The following PPP4R3B variants were observed in gnomAD, a reference collection of about 807,000 sequenced individuals.
PPP4R3B encodes the protein serine/threonine-protein phosphatase 4 regulatory subunit 3B.
In PPP4R3B, 52 loss-of-function variants were observed where a neutral mutation model predicts 95.4. That is an observed-to-expected ratio of 0.54 (90% confidence interval 0.44 to 0.69). The LOEUF (loss-of-function observed/expected upper bound fraction) is 0.69. PPP4R3B is among the 30% of genes least tolerant of loss of function. The pLI is 0.00. For missense variants in PPP4R3B, 1,003 were observed against 1,005.9 expected, an observed-to-expected ratio of 1.00 and a Z score of 0.04; for synonymous variants, 407 against 343.9, an observed-to-expected ratio of 1.18 and a Z score of -2.03.
intron 16 of PPP4R3B, among the ~76,000 whole-genome samples, chr2:55,550,729 T>G (rs1196747484): frequency 6.6e-6 from 1 of 152,210 alleles, no homozygotes; most frequent in African/African-American, 2.4e-5. Context: ...ACACTGTATT[T>G]AGTTCAAACC....
chr2:55,563,668 C>T (rs1191934823), intron 15 of PPP4R3B, among the ~76,000 whole-genome samples: 1 of 152,070 alleles, frequency 6.6e-6, no homozygotes, highest in African/African-American at 2.4e-5. Context: ...GCCGCCATGC[C>T]CAGCAAGGTA....
chr2:55,594,367 T>C (rs1325136505), intron 4 of PPP4R3B, among the ~76,000 whole-genome samples: 1 of 151,702 alleles, frequency 6.6e-6, no homozygotes, highest in Non-Finnish European at 1.5e-5. Flanking sequence ...GTAGTAAATG[T>C]TATGTAAATA....
chr2:55,573,795 C>A lies in PPP4R3B; in HGVS notation c.1607-18G>T. On this transcript the variant is annotated intron_variant, in intron 11 of 16. Transcript: ENST00000616407. ...ATAATTATCTACAAAAGAAAGTAAT[C>A]TCATGAAAATAAATATTGAATATAT... 1 of 1,449,226 alleles carries A rather than the reference C, an allele frequency of 6.9e-7. No individual in the cohort carries two copies. The highest frequency in any genetic ancestry group is 9.1e-7 in the Non-Finnish European group (1 of 1,094,368). 89.8% of individuals were successfully genotyped at this position (1,449,226 alleles called of 1,614,324 possible). A position where few individuals can be genotyped will look rare whatever the true frequency, so the allele number is the denominator to read the frequency against.
chr2:55,553,397 C>T (rs949721420), intron 16 of PPP4R3B, among the ~76,000 whole-genome samples: 2 of 151,842 alleles, frequency 1.3e-5, no homozygotes, highest in African/African-American at 2.4e-5. Flanking sequence ...TAACACCTCC[C>T]GAAAAAAGCA....
intron 2 of PPP4R3B, among the ~76,000 whole-genome samples, chr2:55,610,562 A>G (rs1164818909): frequency 6.6e-6 from 1 of 152,012 alleles, no homozygotes; most frequent in Admixed American, 6.6e-5. Flanking sequence ...CCTCTTCCTT[A>G]ATTTTCTACT....
At chr2:55,551,855 T>C (rs375822653) in intron 16 of PPP4R3B, among the ~76,000 whole-genome samples, 3 of 152,232 alleles carry the variant, frequency 2.0e-5, no homozygotes, top group African/African-American at 7.2e-5. Context: ...TTAGCTGCTA[T>C]TACTACTATC....
intron 15 of PPP4R3B, among the ~76,000 whole-genome samples, chr2:55,563,855 A>G (rs1303477942): frequency 6.6e-6 from 1 of 152,152 alleles, no homozygotes; most frequent in Admixed American, 6.5e-5. Flanking sequence ...TTACTTTTTC[A>G]CTTCTCTTGT....
chr2:55,548,210 G>A lies in PPP4R3B; in HGVS notation c.*1701C>T, dbSNP rs756567543. On this transcript the variant is annotated 3_prime_UTR_variant, in exon 17 of 17. Coordinates refer to ENST00000616407, the MANE Select transcript of PPP4R3B (RefSeq NM_001122964.3). ...AAGTAGTCACTGATAAAGTGCCATT[G>A]ACCCGCATTTGTTTAGAATTATTTC... is the stretch of plus-strand genomic sequence containing the variant. The A allele has an allele frequency of 2.0e-5, 3 of 152,444 alleles. No individual in the cohort carries two copies. The highest frequency in any genetic ancestry group is 4.4e-5 in the Non-Finnish European group (3 of 68,036). The allele number at this position is 152,444 out of a possible 1,614,324, so 9.4% of individuals were successfully genotyped here. A position where few individuals can be genotyped will look rare whatever the true frequency, so the allele number is the denominator to read the frequency against.
At chr2:55,610,674 G>A (rs1007324410) in intron 2 of PPP4R3B, among the ~76,000 whole-genome samples, 1 of 152,082 alleles carries the variant, frequency 6.6e-6, no homozygotes, top group African/African-American at 2.4e-5. Context: ...CTGTACCTTT[G>A]TTGCCTCATG....
In PPP4R3B at chr2:55,586,581, A is replaced by G. The variant is rs769186198; in HGVS notation, c.1116+37T>C. Reference sequence around the variant, plus strand: ...CATAACATAAGTGTATTACAAATTTACAATTTCAAAAACATGAAAAGAAAC... The same window carrying G: ...CATAACATAAGTGTATTACAAATTTGCAATTTCAAAAACATGAAAAGAAAC... On this transcript the variant is annotated intron_variant, in intron 6 of 16. Transcript: ENST00000616407. 2.4e-6 allele frequency: 3 copies of G among 1,255,592 alleles called. No individual in the cohort carries two copies. In the East Asian group the frequency reaches 7.0e-5, roughly 29 times the overall value. The allele number at this position is 1,255,592 out of a possible 1,614,324, so 77.8% of individuals were successfully genotyped here.
intron 15 of PPP4R3B, among the ~76,000 whole-genome samples, chr2:55,559,343 T>C (rs1686283660): frequency 6.6e-6 from 1 of 151,754 alleles, no homozygotes; most frequent in South Asian, 2.1e-4. Flanking sequence ...CGAAACTCCG[T>C]CTCAAAAAAA....
At chr2:55,563,547 G>GT (rs1003559534) in intron 15 of PPP4R3B, among the ~76,000 whole-genome samples, 11 of 152,082 alleles carry the variant, frequency 7.2e-5, no homozygotes, top group Admixed American at 3.9e-4. Flanking sequence ...TAATTTTTGT[G>GT]TTTTTTTGTA....
At chr2:55,568,761 G>C (rs933733831) in intron 12 of PPP4R3B, among the ~76,000 whole-genome samples, 4 of 152,234 alleles carry the variant, frequency 2.6e-5, no homozygotes, top group African/African-American at 9.6e-5. Flanking sequence ...ACAACGCAGT[G>C]AAGGCAGCTC....
intron 15 of PPP4R3B, among the ~76,000 whole-genome samples, chr2:55,559,430 T>C (rs1686298158): frequency 6.6e-6 from 1 of 152,082 alleles, no homozygotes; most frequent in African/African-American, 2.4e-5. Flanking sequence ...GAACATGATG[T>C]GTACAGTGAT....
At chr2:55,603,644 A>C (rs1692964011) in intron 3 of PPP4R3B, among the ~76,000 whole-genome samples, 1 of 152,200 alleles carries the variant, frequency 6.6e-6, no homozygotes, top group Admixed American at 6.5e-5. Context: ...CAAACATATG[A>C]CCAAATATTT....
chr2:55,601,520 AC>A (rs1172077008), intron 3 of PPP4R3B, among the ~76,000 whole-genome samples: 1 of 151,940 alleles, frequency 6.6e-6, no homozygotes, highest in Non-Finnish European at 1.5e-5. Context: ...AGCTGGGACT[AC>A]AGGTGCCCAC....
chr2:55,612,535 C>A (rs969072474), intron 2 of PPP4R3B, among the ~76,000 whole-genome samples: 2 of 152,084 alleles, frequency 1.3e-5, no homozygotes, highest in Non-Finnish European at 2.9e-5. Context: ...CTGGGCCACA[C>A]AGTGAGACCG....
intron 5 of PPP4R3B, 73 bp from the exon 6 acceptor site, chr2:55,586,807 T>C (rs183632876): frequency 1.4e-4 from 113 of 830,266 alleles, no homozygotes; most frequent in Admixed American, 1.2e-3. Context: ...TCATCTACCA[T>C]GGTGTGGTAT....
chr2:55,612,945 C>CAAAA (rs558897062), intron 2 of PPP4R3B, among the ~76,000 whole-genome samples: 2 of 121,072 alleles, frequency 1.7e-5, no homozygotes, highest in Non-Finnish European at 1.7e-5. Context: ...GACTCCATCT[C>CAAAA]AAAAAAAAAA....
Sources: allele counts gnomAD v4.1 joint callset (sites outside exome capture counted in the v4.1 genomes callset), GRCh38; gene constraint gnomAD v4.1.1; transcripts MANE v1.5; gene names NCBI Gene and HGNC (gene_info 2026-07-23, HGNC 2026-07-21).